The following STK36 variants were observed in gnomAD, a reference collection of about 807,000 sequenced individuals.
The protein encoded by STK36 is serine/threonine-protein kinase 36.
In STK36, 116 loss-of-function variants were observed where a neutral mutation model predicts 142.2. That is an observed-to-expected ratio of 0.82 (90% CI 0.70 to 0.95). The LOEUF is 0.95. Among genes scored for constraint, STK36 ranks in the 40% least tolerant of loss-of-function variants. The pLI is 0.00. For synonymous variants in STK36, 619 were observed against 641.7 expected (o/e 0.96, Z 0.53); for missense variants, 1,422 against 1,617.2 (o/e 0.88, Z 2.07).
At position 218,679,931 on chromosome 2, in the gene STK36, C is replaced by T. The variant is rs777552718; in HGVS notation, c.987C>T (p.Asp329=). 69 of 1,614,024 alleles carry T rather than the reference C, an allele frequency of 4.3e-5. No homozygotes were observed. The highest frequency in any genetic ancestry group is 3.3e-4 in the Middle Eastern group (2 of 6,084). ...QNTGPALEQE[D]KTSKVAPGTA... Reference sequence around the variant, plus strand: ...CAGGACCTGCCCTTGAGCAAGAGGACAAGACCAGCAAGGTGGCTCCTGGCA... The same window carrying T: ...CAGGACCTGCCCTTGAGCAAGAGGATAAGACCAGCAAGGTGGCTCCTGGCA... Residue 329 remains aspartate (D), a synonymous_variant, in exon 9 of 27, where the codon GAC becomes GAT. Transcript: ENST00000295709.
intron 9 of STK36, 33 bp from the exon 10 acceptor site, chr2:218,680,570 G>T: frequency 1.3e-6 from 2 of 1,578,862 alleles, no homozygotes. Flanking sequence ...CATAGGTTTG[G>T]AACCCGTTCT....
rs1042062815 is a variant in STK36 at position 218,679,114 on chromosome 2, A to G, written c.685-54A>G. Reference sequence around the variant, plus strand: ...TGGTTTGCTAGTTCTGCTGATAGAGAGAGACTTAAGGGAAGGGAAAGAATG... The same window carrying G: ...TGGTTTGCTAGTTCTGCTGATAGAGGGAGACTTAAGGGAAGGGAAAGAATG... On this transcript the variant is annotated intron_variant, in intron 6 of 26. Coordinates refer to ENST00000295709, the MANE Select transcript of STK36 (RefSeq NM_015690.5). 13 of 1,543,392 alleles carry G rather than the reference A, an allele frequency of 8.4e-6. No homozygotes were observed. In the African/African-American group the frequency reaches 1.8e-4, roughly 21 times the overall value.
Position 218,673,975 on chromosome 2 carries a change from A to G in STK36, c.303+19A>G. On this transcript the variant is annotated intron_variant, in intron 4 of 26. Transcript: ENST00000295709. ...AGACCAGGTATGCTTTCTGCCTTCA[A>G]CTTCTCCCCACCTCCGACCTCTCTC... 6.2e-7 allele frequency: 1 copy of G among 1,608,910 alleles called. No individual in the cohort carries two copies. Among genetic ancestry groups the G allele is most frequent in the Non-Finnish European group, 8.5e-7 (1 of 1,177,406 alleles).
In STK36 at chr2:218,679,719, C is replaced by T. The variant is rs1398556675; in HGVS notation, c.938C>T (p.Ala313Val). Reference sequence around the variant, plus strand: ...GCCTATAAACGCATGGCTGAGGAGGCCATGCAGAAGGTGTGTGGGGCAGAG... The same window carrying T: ...GCCTATAAACGCATGGCTGAGGAGGTCATGCAGAAGGTGTGTGGGGCAGAG... Reference protein sequence around the residue: ...TQAYKRMAEEAMQKKHQNTGP... With the variant: ...TQAYKRMAEEVMQKKHQNTGP... The change falls in exon 8 of 27, where the codon GCC (alanine) becomes GTC (valine). Residue 313 changes from alanine (A) to valine (V), a missense_variant. Ala to Val is a moderately conservative substitution (Grantham distance 64). Transcript: ENST00000295709. 4 of 1,614,174 alleles carry T rather than the reference C, an allele frequency of 2.5e-6. No individual in the cohort carries two copies. The highest frequency in any genetic ancestry group is 1.1e-5 in the South Asian group (1 of 91,082).
intron 10 of STK36, among the ~76,000 whole-genome samples, chr2:218,683,819 G>A (rs1434524022): frequency 1.3e-5 from 2 of 151,906 alleles, no homozygotes; most frequent in African/African-American, 2.4e-5. Context: ...CCACCTATGA[G>A]TGAGAATATG....
At chr2:218,678,980 A>C (rs1940378741) in intron 6 of STK36, among the ~76,000 whole-genome samples, 188 bp from the exon 7 acceptor site, 1 of 152,192 alleles carries the variant, frequency 6.6e-6, no homozygotes, top group Non-Finnish European at 1.5e-5. Context: ...CTAGGAGGTA[A>C]GATAGTGGTC....
rs186634775 is a variant in STK36, at chr2:218,680,200, C to T, written c.1136+120C>T. On this transcript the variant is annotated intron_variant, in intron 9 of 26. Coordinates refer to ENST00000295709, the MANE Select transcript of STK36 (RefSeq NM_015690.5). ...CACTGCCTAAACATGGATAGAGCCT[C>T]GAGAGTCTGAGTCCTGGATTCTTGG... 12 of 933,310 alleles carry T rather than the reference C, an allele frequency of 1.3e-5. No homozygotes were observed. The East Asian group carries it at 2.8e-4, about 21-fold the overall frequency. The allele number at this position is 933,310 out of a possible 1,614,324, so 57.8% of individuals were successfully genotyped here. A position where few individuals can be genotyped will look rare whatever the true frequency, so the allele number is the denominator to read the frequency against.
intron 21 of STK36, among the ~76,000 whole-genome samples, chr2:218,695,217 CA>C (rs1941178376): frequency 7.0e-6 from 1 of 141,870 alleles, no homozygotes; most frequent in Non-Finnish European, 1.5e-5. Flanking sequence ...AAATTATTGT[CA>C]TCCCTTTTTT....
chr2:218,691,672 C>T (rs977241391), intron 14 of STK36, among the ~76,000 whole-genome samples: 1 of 152,140 alleles, frequency 6.6e-6, no homozygotes, highest in Non-Finnish European at 1.5e-5. Context: ...CCTCCCATCT[C>T]GGCCTCTTGA....
chr2:218,702,030 G>A lies in STK36; in HGVS notation c.*21G>A, dbSNP rs1467035022. 1 of 1,611,952 alleles carries A rather than the reference G, an allele frequency of 6.2e-7. No individual in the cohort carries two copies. The highest frequency in any genetic ancestry group is 1.7e-5 in the Admixed American group (1 of 59,766). The stretch of plus-strand genomic sequence containing the variant: ...TGTGATTCCAGATTCCTGCGGTCCA[G>A]CCTCCAACTTTGGTTGCCAGCTCTT... On this transcript the variant is annotated 3_prime_UTR_variant, in exon 27 of 27. Transcript: ENST00000295709.
At chr2:218,693,486 C>T (rs1941094151) in intron 17 of STK36, 142 bp downstream of exon 17, 1 of 873,202 alleles carries the variant, frequency 1.1e-6, no homozygotes, top group African/African-American at 1.7e-5. Flanking sequence ...TGGAAGACTC[C>T]TTTCTGCTTT....
chr2:218,679,680 G>C lies in STK36; in HGVS notation c.899G>C (p.Arg300Pro), dbSNP rs546742645. 1.9e-6 allele frequency: 3 copies of C among 1,614,060 alleles called. No individual in the cohort carries two copies. In the African/African-American group the frequency reaches 4.0e-5, roughly 22 times the overall value. Residue 300 changes from arginine (R) to proline (P), a missense_variant, in exon 8 of 27, where the codon CGC becomes CCC. This residue lies in a region of STK36 where 460 missense variants were observed against 449.6 expected (regional missense o/e 1.02). Transcript: ENST00000295709. ...TTGGCCCCCAAGGGTAATCAGTCTC[G>C]CATCTTGACTCAGGCCTATAAACGC... is the stretch of plus-strand genomic sequence containing the variant. ...HRLAPKGNQS[R>P]ILTQAYKRMA...
chr2:218,692,482 C>A, intron 15 of STK36, 101 bp from the exon 16 acceptor site: 1 of 1,520,666 alleles, frequency 6.6e-7, no homozygotes, highest in East Asian at 2.3e-5. Context: ...TTCCCACTCC[C>A]TTAGGTTCCC....
intron 3 of STK36, 33 bp from the exon 4 acceptor site, chr2:218,673,846 G>A: frequency 6.2e-7 from 1 of 1,614,148 alleles, no homozygotes; most frequent in Non-Finnish European, 8.5e-7. Context: ...GCATGAATCT[G>A]GAGCCATCAG....
In STK36 at chr2:218,675,893, G is replaced by A. The variant is rs1397441010; in HGVS notation, c.435-136G>A. 3 of 1,104,100 alleles carry A rather than the reference G, an allele frequency of 2.7e-6. No homozygotes were observed. The African/African-American group carries it at 4.7e-5, about 17-fold the overall frequency. The allele number at this position is 1,104,100 out of a possible 1,614,324, so 68.4% of individuals were successfully genotyped here. On this transcript the variant is annotated intron_variant, in intron 5 of 26. Coordinates refer to ENST00000295709, the MANE Select transcript of STK36 (RefSeq NM_015690.5). ...TTTTAGAACCGGAGCTAGAGGCTGG[G>A]ACTGCTGCTGGGTCTTCTGGAACCT...
At position 218,694,914 on chromosome 2, in the gene STK36, T is replaced by C. The variant is rs1002265231; in HGVS notation, c.2511+279T>C. ...TGACTAACCTGAGTTTTCTGAGTAG[T>C]GTGAGAACCCTGCCTGCTTCGTTCT... On this transcript the variant is annotated intron_variant, in intron 21 of 26. Coordinates refer to ENST00000295709, the MANE Select transcript of STK36 (RefSeq NM_015690.5). The surrounding 1 kb of genome is among the most constrained non-coding windows in gnomAD (Gnocchi z 4.4). 2.6e-5 allele frequency among the ~76,000 whole-genome samples: 4 copies of C among 152,180 alleles called. No homozygotes were observed. The highest frequency in any genetic ancestry group is 5.9e-5 in the Non-Finnish European group (4 of 68,024).
intron 6 of STK36, 60 bp downstream of exon 6, chr2:218,676,338 G>C: frequency 1.9e-6 from 3 of 1,583,672 alleles, no homozygotes; most frequent in Non-Finnish European, 2.6e-6. Context: ...CTCTATCTCT[G>C]TTCCTTTTTC....
intron 5 of STK36, among the ~76,000 whole-genome samples, chr2:218,675,773 C>G (rs572146350): frequency 6.6e-6 from 1 of 152,204 alleles, no homozygotes; most frequent in African/African-American, 2.4e-5. Context: ...ATCTGCCCAC[C>G]TCGGCCTCCC....
intron 6 of STK36, 132 bp from the exon 7 acceptor site, chr2:218,679,036 A>G (rs1417252798): frequency 2.5e-6 from 2 of 811,672 alleles, no homozygotes; most frequent in Admixed American, 5.3e-5. Flanking sequence ...CAAAGTTTTT[A>G]GAGGGCATGA....
Sources: gnomAD v4.1 joint callset for allele counts (sites outside exome capture counted in the v4.1 genomes callset) on GRCh38, gnomAD v4.1.1 for gene constraint, gnomAD v4.1.1 regional missense constraint, Gnocchi (gnomAD v3.1) non-coding constraint, MANE v1.5 for transcripts, NCBI Gene and HGNC (gene_info 2026-07-23, HGNC 2026-07-21) for gene names.